Variants in CHRNG observed in about 807,000 individuals in gnomAD.
CHRNG encodes the protein acetylcholine receptor subunit gamma.
Under a neutral mutation model 65.2 loss-of-function variants are expected in CHRNG, and 72 were observed. That is an observed-to-expected ratio of 1.10 (90% CI 0.91 to 1.34). The LOEUF (loss-of-function observed/expected upper bound fraction) is 1.34. Ranked by LOEUF, CHRNG falls within the 40% of genes most tolerant of loss-of-function variation. CHRNG has a pLI of 0.00. For synonymous variants in CHRNG, 284 were observed against 290.2 expected (o/e 0.98, Z 0.22); for missense variants, 637 against 680.1 (o/e 0.94, Z 0.70).
In CHRNG at chr2:232,543,429, C is replaced by T. The variant is rs754817216; in HGVS notation, c.920+40C>T. The T allele has an allele frequency of 3.4e-6, 5 of 1,470,950 alleles. No homozygotes were observed. In the South Asian group the frequency reaches 4.6e-5, roughly 13 times the overall value. The allele number at this position is 1,470,950 out of a possible 1,614,324, so 91.1% of individuals were successfully genotyped here. ...CATGTCCACCCGCCTATGCCACTCTCCCTTCTTGGGAGCATGATGGCCTCC... is the reference window on the plus strand; with the variant it reads ...CATGTCCACCCGCCTATGCCACTCTTCCTTCTTGGGAGCATGATGGCCTCC... On this transcript the variant is annotated intron_variant, in intron 8 of 11. Coordinates refer to ENST00000651502, the MANE Select transcript of CHRNG (RefSeq NM_005199.5).
chr2:232,545,483 A>G (rs1692111096), intron 11 of CHRNG, 60 bp from the exon 12 acceptor site: 1 of 1,470,350 alleles, frequency 6.8e-7, no homozygotes, highest in Non-Finnish European at 9.4e-7. Context: ...GGATGAGAAC[A>G]GGACCCAGGG....
At position 232,548,003 on chromosome 2, in the gene CHRNG, G is replaced by A; in HGVS notation, c.*2287G>A. On this transcript the variant is annotated 3_prime_UTR_variant, in exon 12 of 12. Transcript: ENST00000651502. ...GTTTCCCAATGCATATAAAAGTTAT[G>A]TTTACACTATACTGTAGACCAGCAA... 1 of 471,524 alleles carries A rather than the reference G, an allele frequency of 2.1e-6. No individual in the cohort carries two copies. Among genetic ancestry groups the A allele is most frequent in the Non-Finnish European group, 3.7e-6 (1 of 270,060 alleles). The allele number at this position is 471,524 out of a possible 1,614,324, so 29.2% of individuals were successfully genotyped here. A position where few individuals can be genotyped will look rare whatever the true frequency, so the allele number is the denominator to read the frequency against.
rs1692157764 is a variant in CHRNG, at chr2:232,547,806, G to A, written c.*2090G>A. 6.6e-6 allele frequency among the ~76,000 whole-genome samples: 1 copy of A among 152,168 alleles called. No homozygotes were observed. Among genetic ancestry groups the A allele is most frequent in the Admixed American group, 6.5e-5 (1 of 15,278 alleles). ...GAAAGCCTCAGAGGGCAGAGGATTAGCTCCTTGTACACAATAAACACTCAA... is the reference window on the plus strand; with the variant it reads ...GAAAGCCTCAGAGGGCAGAGGATTAACTCCTTGTACACAATAAACACTCAA... On this transcript the variant is annotated 3_prime_UTR_variant, in exon 12 of 12. Coordinates refer to ENST00000651502, the MANE Select transcript of CHRNG (RefSeq NM_005199.5).
rs983560406 is a variant in CHRNG at position 232,541,659 on chromosome 2, T to C, written c.506+130T>C. ...CCTAGAGGCCTGGCTCCATCTCCCC[T>C]GGGCCTCTGTGCCCATCTCAGGCTA... On this transcript the variant is annotated intron_variant, in intron 5 of 11. Coordinates refer to ENST00000651502, the MANE Select transcript of CHRNG (RefSeq NM_005199.5). This position sits in a 1 kb window ranked among gnomAD's most constrained non-coding sequence, Gnocchi z 4.0. The C allele has an allele frequency of 2.6e-5, 30 of 1,138,480 alleles. No individual in the cohort carries two copies. In the African/African-American group the frequency reaches 3.8e-4, roughly 14 times the overall value. 70.5% of individuals were successfully genotyped at this position (1,138,480 alleles called of 1,614,324 possible).
chr2:232,540,386 G>A lies in CHRNG; in HGVS notation c.201G>A (p.Glu67=), dbSNP rs1284939672. The change falls in exon 3 of 12, where the codon GAG becomes GAA. Residue 67 remains glutamate (E), a synonymous_variant. Transcript: ENST00000651502. The surrounding 1 kb of genome is among the most constrained non-coding windows in gnomAD (Gnocchi z 4.2). ...CTACACCCTTGCACCCCCAGAACGAGCGAGAGGAAGCCCTCACCACCAATG... is the reference window on the plus strand; with the variant it reads ...CTACACCCTTGCACCCCCAGAACGAACGAGAGGAAGCCCTCACCACCAATG... ...LTLTNLISLN[E]REEALTTNVW... 3.7e-6 allele frequency: 6 copies of A among 1,613,968 alleles called. No homozygotes were observed. In the Admixed American group the frequency reaches 6.7e-5, roughly 18 times the overall value.
Position 232,541,120 on chromosome 2 carries a change from G to T in CHRNG, c.351-254G>T, listed in dbSNP as rs13003665. Among the ~76,000 whole-genome samples, 47,338 of 148,044 alleles carry T rather than the reference G, an allele frequency of 0.32. 8,184 individuals are homozygous for T. The highest frequency in any genetic ancestry group is 0.45 in the East Asian group (2,247 of 4,950). ...CTATTATTATTATTATTATTATTAT[G>T]ATTAAAACAAGAGAGAGTAAGATAA... On this transcript the variant is annotated intron_variant, in intron 4 of 11. Coordinates refer to ENST00000651502, the MANE Select transcript of CHRNG (RefSeq NM_005199.5). This position sits in a 1 kb window ranked among gnomAD's most constrained non-coding sequence, Gnocchi z 4.0.
At chr2:232,543,499 C>T in intron 8 of CHRNG, 86 bp from the exon 9 acceptor site, 1 of 1,122,020 alleles carries the variant, frequency 8.9e-7, no homozygotes. Context: ...ATCCTCAATT[C>T]AGGAGGCCTG....
chr2:232,540,658 G>A lies in CHRNG; in HGVS notation c.297G>A (p.Val99=). Residue 99 remains valine, a synonymous_variant, in exon 4 of 12, where the codon GTG becomes GTA. Transcript: ENST00000651502. The surrounding 1 kb of genome is among the most constrained non-coding windows in gnomAD (Gnocchi z 4.2). The stretch of plus-strand genomic sequence containing the variant: ...CGCGAGACTACGAAGGCCTGTGGGT[G>A]CTGAGGGTGCCGTCCACCATGGTGT... The part of the protein sequence containing the change: ...WDPRDYEGLW[V]LRVPSTMVWR... 6.2e-7 allele frequency: 1 copy of A among 1,613,220 alleles called. No homozygotes were observed. The highest frequency in any genetic ancestry group is 1.1e-5 in the South Asian group (1 of 91,072).
chr2:232,542,970 G>A lies in CHRNG; in HGVS notation c.693G>A (p.Val231=), dbSNP rs1351310950. ...CCCAGGAAGCAGGCCACCAGAAGGT[G>A]GTGTTCTACCTGCTCATCCAGCGCA... ...APAQEAGHQK[V]VFYLLIQRKP... is the part of the protein sequence containing the mutation. Residue 231 remains valine (V), a synonymous_variant, in exon 7 of 12, where the codon GTG becomes GTA. Coordinates refer to ENST00000651502, the MANE Select transcript of CHRNG (RefSeq NM_005199.5). 1.9e-6 allele frequency: 3 copies of A among 1,614,028 alleles called. No individual in the cohort carries two copies. Among genetic ancestry groups the A allele is most frequent in the South Asian group, 2.2e-5 (2 of 91,088 alleles).
chr2:232,540,200 G>A lies in CHRNG; in HGVS notation c.195+69G>A. On this transcript the variant is annotated intron_variant, in intron 2 of 11. Coordinates refer to ENST00000651502, the MANE Select transcript of CHRNG (RefSeq NM_005199.5). This position sits in a 1 kb window ranked among gnomAD's most constrained non-coding sequence, Gnocchi z 4.2. ...GACCTGCTGGGGATAGCATGGGGTG[G>A]CTCCAGCCACCAAGAGGTTGGAGGG... 2 of 1,613,052 alleles carry A rather than the reference G, an allele frequency of 1.2e-6. No homozygotes were observed. Among genetic ancestry groups the A allele is most frequent in the South Asian group, 1.1e-5 (1 of 90,982 alleles).
Position 232,543,711 on chromosome 2 carries a change from C to A in CHRNG, c.1035+12C>A. On this transcript the variant is annotated intron_variant, in intron 9 of 11. Coordinates refer to ENST00000651502, the MANE Select transcript of CHRNG (RefSeq NM_005199.5). ...GAGGGGTCCGCAAGGCAAGGACCCT[C>A]CCTGCCCACTTCAACATCCCGCTGC... 6.6e-7 allele frequency: 1 copy of A among 1,520,092 alleles called. No individual in the cohort carries two copies. The highest frequency in any genetic ancestry group is 9.1e-7 in the Non-Finnish European group (1 of 1,094,722). 94.2% of individuals were successfully genotyped at this position (1,520,092 alleles called of 1,614,324 possible).
At chr2:232,542,849 T>C in intron 6 of CHRNG, 33 bp from the exon 7 acceptor site, 1 of 1,592,226 alleles carries the variant, frequency 6.3e-7, no homozygotes, top group South Asian at 1.1e-5. Context: ...TCACGCTTCT[T>C]GTGCCCACTC....
In CHRNG at chr2:232,542,892, G is replaced by A. The variant is rs748812705; in HGVS notation, c.615G>A (p.Glu205=). ...CCTGCCTGCCCGCAGAGAATGGGGA[G>A]TGGGCCATCCAGCACCGACCAGCCA... is the stretch of plus-strand genomic sequence containing the variant. ...IDPEAFTENG[E]WAIQHRPAKM... Residue 205 remains glutamate, a synonymous_variant, in exon 7 of 12, where the codon GAG becomes GAA. Coordinates refer to ENST00000651502, the MANE Select transcript of CHRNG (RefSeq NM_005199.5). The A allele has an allele frequency of 6.0e-5, 96 of 1,613,286 alleles. No individual in the cohort carries two copies. Among genetic ancestry groups the A allele is most frequent in the Non-Finnish European group, 8.0e-5 (94 of 1,179,956 alleles).
chr2:232,544,249 C>A, intron 9 of CHRNG, 118 bp from the exon 10 acceptor site: 1 of 826,932 alleles, frequency 1.2e-6, no homozygotes, highest in Non-Finnish European at 2.1e-6. Flanking sequence ...ACCAAGGCCA[C>A]GTCACTGCCC....
In CHRNG at chr2:232,540,898, G is replaced by C. The variant is rs1417337158; in HGVS notation, c.350+187G>C. On this transcript the variant is annotated intron_variant, in intron 4 of 11. Coordinates refer to ENST00000651502, the MANE Select transcript of CHRNG (RefSeq NM_005199.5). The surrounding 1 kb of genome is among the most constrained non-coding windows in gnomAD (Gnocchi z 4.2). ...CCCTGGGTATGCCCTCTGACCCCAG[G>C]GCCAGCAGAGCAGACCCTACGCCAG... Among the ~76,000 whole-genome samples the C allele has an allele frequency of 6.6e-6, 1 of 152,020 alleles. No homozygotes were observed. The highest frequency in any genetic ancestry group is 1.5e-5 in the Non-Finnish European group (1 of 67,980).
intron 10 of CHRNG, 32 bp from the exon 11 acceptor site, chr2:232,544,740 T>C: frequency 6.2e-7 from 1 of 1,613,542 alleles, no homozygotes; most frequent in Non-Finnish European, 8.5e-7. Flanking sequence ...TCCTCCATTC[T>C]ACTCCCAAAC....
intron 5 of CHRNG, 105 bp from the exon 6 acceptor site, chr2:232,542,318 T>C: frequency 2.6e-6 from 2 of 760,720 alleles, no homozygotes; most frequent in South Asian, 1.5e-5. Flanking sequence ...GGGGCTGCAT[T>C]TTGTTGAAGA....
chr2:232,545,579 G>T lies in CHRNG; in HGVS notation c.1417G>T (p.Asp473Tyr), dbSNP rs760734396. 6.2e-7 allele frequency: 1 copy of T among 1,614,012 alleles called. No homozygotes were observed. Among genetic ancestry groups the T allele is most frequent in the South Asian group, 1.1e-5 (1 of 91,072 alleles). Residue 473 changes from aspartate to tyrosine, a missense_variant, in exon 12 of 12, where the codon GAC becomes TAC. Physicochemically the swap from Asp to Tyr is radical, Grantham distance 160 (BLOSUM62 -3). Coordinates refer to ENST00000651502, the MANE Select transcript of CHRNG (RefSeq NM_005199.5). ...GTGGTTCCTGGTGGGCCGAGTGCTG[G>T]ACCGCGTCTGCTTCCTGGCCATGCT... ...EEWFLVGRVLDRVCFLAMLSL... is the reference protein window; with the variant it reads ...EEWFLVGRVLYRVCFLAMLSL...
Position 232,539,976 on chromosome 2 carries a change from C to T in CHRNG, c.56-16C>T, listed in dbSNP as rs139127435. ...CACCTCCAAGCTCCTGCTAGGCTCACGCCTGTCTATTGCAGGGGCCCAGGG... is the reference window on the plus strand; with the variant it reads ...CACCTCCAAGCTCCTGCTAGGCTCATGCCTGTCTATTGCAGGGGCCCAGGG... On this transcript the variant is annotated splice_polypyrimidine_tract_variant and intron_variant, in intron 1 of 11. Coordinates refer to ENST00000651502, the MANE Select transcript of CHRNG (RefSeq NM_005199.5). The T allele has an allele frequency of 7.4e-4, 1,198 of 1,614,116 alleles. 7 individuals are homozygous for T. In the African/African-American group the frequency reaches 0.013, roughly 17 times the overall value.
Sources: allele counts gnomAD v4.1 joint callset (sites outside exome capture counted in the v4.1 genomes callset), GRCh38; gene constraint gnomAD v4.1.1; non-coding constraint Gnocchi (gnomAD v3.1); transcripts MANE v1.5; gene names NCBI Gene and HGNC (gene_info 2026-07-23, HGNC 2026-07-21).